The following LRIG1 variants were observed in gnomAD, a reference collection of about 807,000 sequenced individuals.
LRIG1 encodes the protein leucine rich repeats and immunoglobulin like domains 1.
A neutral mutation model predicts 99.2 loss-of-function variants in LRIG1; 48 were observed. That is an observed-to-expected ratio of 0.48 (90% CI 0.38 to 0.62). LRIG1 has a LOEUF of 0.62. Among genes scored for constraint, LRIG1 ranks in the 20% least tolerant of loss-of-function variants. The pLI is 0.00. For synonymous variants in LRIG1, 772 were observed against 596.1 expected, an observed-to-expected ratio of 1.29 and a Z score of -4.30; for missense variants, 1,646 against 1,434.4, an observed-to-expected ratio of 1.15 and a Z score of -2.38.
chr3:66,495,154 C>A (rs1051284429), intron 1 of LRIG1, among the ~76,000 whole-genome samples: 1 of 152,130 alleles, frequency 6.6e-6, no homozygotes, highest in African/African-American at 2.4e-5. Flanking sequence ...ATAGAATGAA[C>A]CCTAGTGGCT....
At chr3:66,476,733 G>T (rs553047079) in intron 1 of LRIG1, among the ~76,000 whole-genome samples, 1 of 152,280 alleles carries the variant, frequency 6.6e-6, no homozygotes, top group East Asian at 1.9e-4. Context: ...GACATTAAAT[G>T]GATTTCTCAA....
chr3:66,381,883 G>A (rs6787828), intron 16 of LRIG1, among the ~76,000 whole-genome samples: 7,183 of 152,184 alleles, frequency 0.047, 229 homozygotes, highest in South Asian at 0.089. Context: ...GGCCCCCACC[G>A]TTGGAAGTAC....
chr3:66,403,454 G>A (rs371929474), intron 9 of LRIG1, among the ~76,000 whole-genome samples: 1 of 152,162 alleles, frequency 6.6e-6, no homozygotes, highest in Non-Finnish European at 1.5e-5. Flanking sequence ...GCTGGGTGGG[G>A]TGAGGCTTCG....
intron 3 of LRIG1, among the ~76,000 whole-genome samples, chr3:66,443,929 GA>G: frequency 6.6e-6 from 1 of 152,338 alleles, no homozygotes; most frequent in South Asian, 2.1e-4. Context: ...GCAGTGCTAG[GA>G]AAGGGCAATG....
chr3:66,415,160 G>T, intron 4 of LRIG1, 97 bp from the exon 5 acceptor site: 1 of 1,263,650 alleles, frequency 7.9e-7, no homozygotes, highest in Non-Finnish European at 1.1e-6. Flanking sequence ...TTGGGAAGAT[G>T]AGTTAAGACA....
chr3:66,426,828 T>C (rs898085978), intron 3 of LRIG1, among the ~76,000 whole-genome samples: 1 of 152,160 alleles, frequency 6.6e-6, no homozygotes, highest in African/African-American at 2.4e-5. Context: ...CAGCTCTCCA[T>C]CCCTAAGATC....
chr3:66,500,607 C>T lies in LRIG1; in HGVS notation c.-200G>A, dbSNP rs1158497011. 6 of 338,648 alleles carry T rather than the reference C, an allele frequency of 1.8e-5. No individual in the cohort carries two copies. The highest frequency in any genetic ancestry group is 3.2e-5 in the Non-Finnish European group (6 of 189,126). The allele number at this position is 338,648 out of a possible 1,614,324, so 21.0% of individuals were successfully genotyped here. On this transcript the variant is annotated 5_prime_UTR_variant, in exon 1 of 19. Transcript: ENST00000273261. ...GCCCGGGCCGCTCCGGAGCACCCGGCGGGGGCCGCAAACCCCGCGCCCATC... is the reference window on the plus strand; with the variant it reads ...GCCCGGGCCGCTCCGGAGCACCCGGTGGGGGCCGCAAACCCCGCGCCCATC...
intron 5 of LRIG1, 35 bp from the exon 6 acceptor site, chr3:66,413,049 T>C (rs1235726147): frequency 6.2e-7 from 1 of 1,612,878 alleles, no homozygotes; most frequent in South Asian, 1.1e-5. Context: ...CAGAGTGTCT[T>C]ATGTGCATAT....
chr3:66,393,481 G>A (rs888875027), intron 12 of LRIG1, among the ~76,000 whole-genome samples: 1 of 152,190 alleles, frequency 6.6e-6, no homozygotes, highest in Non-Finnish European at 1.5e-5. Flanking sequence ...CTTGGATCCC[G>A]ACTCCCAGTC....
chr3:66,390,447 A>G (rs1186399488), intron 12 of LRIG1, among the ~76,000 whole-genome samples: 1 of 152,224 alleles, frequency 6.6e-6, no homozygotes, highest in Non-Finnish European at 1.5e-5. Flanking sequence ...ACAAAACATG[A>G]CTGAAAGAAA....
chr3:66,383,282 G>A lies in LRIG1; in HGVS notation c.2191C>T (p.Arg731Cys), dbSNP rs202029049. The A allele has an allele frequency of 5.2e-5, 84 of 1,613,618 alleles. No homozygotes were observed. Among genetic ancestry groups the A allele is most frequent in the African/African-American group, 1.5e-4 (11 of 74,942 alleles). Residue 731 changes from arginine (R) to cysteine (C), a missense_variant, in exon 15 of 19, where the codon CGC (arginine) becomes TGC (cysteine). Arg to Cys is a radical substitution (Grantham distance 180). Transcript: ENST00000273261. ...TGCCGCTCAGTGAGGCTCAGCGGGC[G>A]GTCCCCCTTGAACCAGGTGATGCGG... Reference protein sequence around the residue: ...PPRITWFKGDRPLSLTERHHL... With the variant: ...PPRITWFKGDCPLSLTERHHL...
chr3:66,437,248 T>G (rs555619623), intron 3 of LRIG1, among the ~76,000 whole-genome samples: 1 of 152,208 alleles, frequency 6.6e-6, no homozygotes, highest in African/African-American at 2.4e-5. Context: ...GAGCAGAGAC[T>G]GGGAGAGCCC....
intron 3 of LRIG1, among the ~76,000 whole-genome samples, chr3:66,418,663 C>A (rs1020120436): frequency 6.6e-6 from 1 of 152,216 alleles, no homozygotes; most frequent in African/African-American, 2.4e-5. Flanking sequence ...TCTGGCCAAT[C>A]AAAGCATTCT....
chr3:66,464,698 T>C (rs1432492166), intron 1 of LRIG1, among the ~76,000 whole-genome samples: 1 of 152,158 alleles, frequency 6.6e-6, no homozygotes, highest in Non-Finnish European at 1.5e-5. Context: ...ATTAAACTGA[T>C]GGCTCGGTTT....
At chr3:66,388,184 A>T (rs1701475130) in intron 12 of LRIG1, 1 of 151,522 alleles carries the variant, frequency 6.6e-6, no homozygotes, top group Non-Finnish European at 1.5e-5. Context: ...ATAGATATGA[A>T]CCAAGTAGAA....
At chr3:66,402,985 A>C (rs1424382825) in intron 9 of LRIG1, among the ~76,000 whole-genome samples, 1 of 152,160 alleles carries the variant, frequency 6.6e-6, no homozygotes, top group African/African-American at 2.4e-5. Context: ...CAAACACAGC[A>C]GTTTTTACAT....
At chr3:66,433,772 A>G (rs1226502431) in intron 3 of LRIG1, among the ~76,000 whole-genome samples, 1 of 152,154 alleles carries the variant, frequency 6.6e-6, no homozygotes, top group Admixed American at 6.5e-5. Context: ...CACCCCAAAA[A>G]TGATTTGTTA....
intron 10 of LRIG1, 68 bp from the exon 11 acceptor site, chr3:66,398,251 C>A: frequency 8.0e-7 from 1 of 1,242,414 alleles, no homozygotes; most frequent in South Asian, 1.2e-5. Context: ...TCAGGACAGT[C>A]CTGGTTTCAC....
chr3:66,407,599 A>G (rs1702317045), intron 7 of LRIG1, 108 bp from the exon 8 acceptor site: 2 of 1,291,370 alleles, frequency 1.5e-6, no homozygotes, highest in Non-Finnish European at 2.2e-6. Flanking sequence ...GAAATGACAC[A>G]GATGCACACG....
Sources: allele counts gnomAD v4.1 joint callset (sites outside exome capture counted in the v4.1 genomes callset), GRCh38; gene constraint gnomAD v4.1.1; transcripts MANE v1.5; gene names NCBI Gene and HGNC (gene_info 2026-07-23, HGNC 2026-07-21).